Variants in ERBB4 observed in about 807,000 individuals in gnomAD.
ERBB4 encodes erb-b2 receptor tyrosine kinase 4, also known as receptor tyrosine-protein kinase erbB-4.
ERBB4 carries 42 observed loss-of-function variants against 158.0 expected under a neutral mutation model. The observed-to-expected ratio is 0.27, with a 90% confidence interval of 0.21 to 0.34. The LOEUF (loss-of-function observed/expected upper bound fraction) is 0.34, where lower values mean the gene tolerates loss of function less well. Among genes scored for constraint, ERBB4 ranks in the 10% least tolerant of loss-of-function variants. The pLI is 1.00. For synonymous variants in ERBB4, 583 were observed against 558.7 expected, an observed-to-expected ratio of 1.04 and a Z score of -0.61; for missense variants, 1,333 against 1,624.1, an observed-to-expected ratio of 0.82 and a Z score of 3.08.
At chr2:212,416,538 C>T (rs1425516349) in intron 1 of ERBB4, among the ~76,000 whole-genome samples, 3 of 151,968 alleles carry the variant, frequency 2.0e-5, no homozygotes, top group Non-Finnish European at 4.4e-5. Context: ...TTTCAAACTG[C>T]CTCGTTCTTA....
At chr2:211,888,406 A>G (rs1472208086) in intron 3 of ERBB4, among the ~76,000 whole-genome samples, 1 of 152,256 alleles carries the variant, frequency 6.6e-6, no homozygotes, top group Non-Finnish European at 1.5e-5. Flanking sequence ...ATATTTCACA[A>G]GAATGTATGT....
chr2:211,958,510 C>G (rs1559187850), intron 2 of ERBB4, among the ~76,000 whole-genome samples: 1 of 152,004 alleles, frequency 6.6e-6, no homozygotes, highest in Non-Finnish European at 1.5e-5. Flanking sequence ...CTTCTGTCAC[C>G]TACTGGTGAA....
chr2:212,086,614 G>C (rs546689491), intron 2 of ERBB4, among the ~76,000 whole-genome samples: 92 of 152,032 alleles, frequency 6.1e-4, no homozygotes, highest in Admixed American at 1.4e-3. Context: ...CAATTTTCAA[G>C]TGGCTGATAT....
intron 20 of ERBB4, among the ~76,000 whole-genome samples, chr2:211,521,658 A>C (rs1383699844): frequency 6.6e-6 from 1 of 152,216 alleles, no homozygotes; most frequent in East Asian, 1.9e-4. Flanking sequence ...TTTTATAGCC[A>C]GAGAGAAGTC....
At position 211,974,049 on chromosome 2, in the gene ERBB4, A is replaced by C. The variant is rs376484523; in HGVS notation, c.235-26433T>G. Among the ~76,000 whole-genome samples, 171 of 152,290 alleles carry C rather than the reference A, an allele frequency of 1.1e-3. 1 individual carries two copies. Among genetic ancestry groups the C allele is most frequent in the African/African-American group, 3.5e-3 (145 of 41,574 alleles). On this transcript the variant is annotated intron_variant, in intron 2 of 27. Coordinates refer to ENST00000342788, the MANE Select transcript of ERBB4 (RefSeq NM_005235.3). The stretch of plus-strand genomic sequence containing the variant: ...GAACAATGAGAACACATGGACACAG[A>C]GAGGCGAACAACACACACTGGAGCC...
chr2:211,712,785 G>C (rs2073751073), intron 8 of ERBB4, among the ~76,000 whole-genome samples: 1 of 151,768 alleles, frequency 6.6e-6, no homozygotes, highest in Admixed American at 6.6e-5. Flanking sequence ...GGGTGGGGGG[G>C]GATGTATAGA....
At chr2:212,419,893 T>C (rs1324032386) in intron 1 of ERBB4, among the ~76,000 whole-genome samples, 1 of 151,950 alleles carries the variant, frequency 6.6e-6, no homozygotes, top group African/African-American at 2.4e-5. Flanking sequence ...TAGATGATAT[T>C]TTCTACTTTA....
intron 20 of ERBB4, among the ~76,000 whole-genome samples, chr2:211,521,111 TA>T (rs982391731): frequency 6.6e-6 from 1 of 152,126 alleles, no homozygotes; most frequent in African/African-American, 2.4e-5. Flanking sequence ...TCTCTCATTT[TA>T]AATCAAAAGC....
intron 1 of ERBB4, among the ~76,000 whole-genome samples, chr2:212,187,271 T>C (rs1186757105): frequency 6.6e-6 from 1 of 152,048 alleles, no homozygotes; most frequent in Non-Finnish European, 1.5e-5. Context: ...ATTACCAGCA[T>C]GTGAGATGAT....
chr2:211,794,401 C>T (rs1345030933), intron 3 of ERBB4, among the ~76,000 whole-genome samples: 3 of 151,836 alleles, frequency 2.0e-5, no homozygotes, highest in Admixed American at 2.0e-4. Context: ...CCTTGTCTCC[C>T]CTATCTTATT....
intron 1 of ERBB4, among the ~76,000 whole-genome samples, chr2:212,248,864 T>C (rs1482580752): frequency 6.6e-6 from 1 of 152,144 alleles, no homozygotes; most frequent in Non-Finnish European, 1.5e-5. Context: ...TTCTTTTTGC[T>C]CACCAACAGG....
intron 1 of ERBB4, among the ~76,000 whole-genome samples, chr2:212,499,066 A>G (rs1218792895): frequency 1.3e-5 from 2 of 151,962 alleles, no homozygotes; most frequent in East Asian, 3.9e-4. Context: ...TAAAAGCAAT[A>G]ATATGAAAAT....
intron 19 of ERBB4, among the ~76,000 whole-genome samples, chr2:211,614,224 A>C (rs1052189126): frequency 6.6e-6 from 1 of 152,052 alleles, no homozygotes; most frequent in Non-Finnish European, 1.5e-5. Context: ...AAACCAAAAC[A>C]ATTGAACTCA....
At chr2:212,529,324 C>T (rs973268752) in intron 1 of ERBB4, among the ~76,000 whole-genome samples, 1 of 152,154 alleles carries the variant, frequency 6.6e-6, no homozygotes, top group Non-Finnish European at 1.5e-5. Context: ...GTGGTATCCA[C>T]ATTCCACATA....
chr2:211,387,171 T>A (rs2062703789), intron 26 of ERBB4, 21 bp from the exon 27 acceptor site: 1 of 1,576,286 alleles, frequency 6.3e-7, no homozygotes, highest in Non-Finnish European at 8.7e-7. Flanking sequence ...GAGAAACATA[T>A]GTGGAGAGAA....
rs1230271010 is a variant in ERBB4, at chr2:211,590,202, G to A, written c.2302-28114C>T. Among the ~76,000 whole-genome samples, 6 of 152,294 alleles carry A rather than the reference G, an allele frequency of 3.9e-5. No homozygotes were observed. In the East Asian group the frequency reaches 1.2e-3, roughly 29 times the overall value. ...GGTCCAACTTAAACGACTCCATCGT[G>A]CCTCTAACCTCCAAGCTGTCCTTAT... is the stretch of plus-strand genomic sequence containing the variant. On this transcript the variant is annotated intron_variant, in intron 19 of 27. Transcript: ENST00000342788.
intron 1 of ERBB4, among the ~76,000 whole-genome samples, chr2:212,495,067 G>A (rs976248744): frequency 9.9e-5 from 15 of 152,052 alleles, no homozygotes; most frequent in Non-Finnish European, 8.8e-5. Context: ...GGGATATAAT[G>A]TATTTAAGAC....
At chr2:212,143,329 T>G (rs1315807831) in intron 1 of ERBB4, among the ~76,000 whole-genome samples, 1 of 152,182 alleles carries the variant, frequency 6.6e-6, no homozygotes, top group Non-Finnish European at 1.5e-5. Context: ...GTTATAGCTA[T>G]TATTATGGTT....
intron 25 of ERBB4, among the ~76,000 whole-genome samples, chr2:211,414,910 A>AGTT (rs1466725953): frequency 2.0e-5 from 3 of 152,034 alleles, no homozygotes; most frequent in Admixed American, 6.5e-5. Context: ...TGGCAGTAGT[A>AGTT]GTTACCTCCT....
Sources: allele counts gnomAD v4.1 joint callset (sites outside exome capture counted in the v4.1 genomes callset), GRCh38; gene constraint gnomAD v4.1.1; transcripts MANE v1.5; gene names NCBI Gene and HGNC (gene_info 2026-07-23, HGNC 2026-07-21).